Variants in TANGO6 observed in about 807,000 individuals in gnomAD.
TANGO6 encodes transport and golgi organization 6 homolog.
TANGO6 carries 90 observed loss-of-function variants against 114.2 expected under a neutral mutation model. The observed-to-expected ratio is 0.79, with a 90% CI of 0.66 to 0.94. The LOEUF (loss-of-function observed/expected upper bound fraction) is 0.94, where lower values mean the gene tolerates loss of function less well. Among genes scored for constraint, TANGO6 ranks in the 40% least tolerant of loss-of-function variants. The probability of loss-of-function intolerance (pLI) is 0.00; values close to 1 mark genes in which losing one functional copy is unlikely to be tolerated. For synonymous variants in TANGO6, 477 were observed against 509.8 expected (o/e 0.94, Z 0.87); for missense variants, 1,274 against 1,315.3 (o/e 0.97, Z 0.49).
chr16:68,975,718 C>T (rs555512128), intron 15 of TANGO6, among the ~76,000 whole-genome samples: 2 of 151,734 alleles, frequency 1.3e-5, no homozygotes, highest in Non-Finnish European at 2.9e-5. Context: ...CCACCATGCC[C>T]AGTTAATTTT....
intron 15 of TANGO6, among the ~76,000 whole-genome samples, chr16:69,004,087 AT>A (rs749714398): frequency 2.0e-5 from 3 of 152,140 alleles, no homozygotes; most frequent in Non-Finnish European, 2.9e-5. Flanking sequence ...ATTTTTAGTA[AT>A]CCTAAATTTT....
At chr16:69,046,261 G>A (rs1567565253) in intron 17 of TANGO6, among the ~76,000 whole-genome samples, 1 of 150,416 alleles carries the variant, frequency 6.6e-6, no homozygotes, top group Non-Finnish European at 1.5e-5. Flanking sequence ...TCCCCAGAGA[G>A]AAGAAAATCA....
intron 14 of TANGO6, among the ~76,000 whole-genome samples, chr16:68,945,953 A>G (rs932216807): frequency 1.3e-5 from 2 of 152,040 alleles, no homozygotes; most frequent in Non-Finnish European, 2.9e-5. Flanking sequence ...CCAAAATGCT[A>G]GGATTATAGG....
chr16:68,886,482 C>T (rs143933523), intron 7 of TANGO6, among the ~76,000 whole-genome samples: 1 of 151,826 alleles, frequency 6.6e-6, no homozygotes, highest in Non-Finnish European at 1.5e-5. Context: ...CCAGAGAAAT[C>T]CTCCTCACCG....
chr16:69,027,470 G>C (rs1174517278), intron 16 of TANGO6, among the ~76,000 whole-genome samples: 1 of 151,514 alleles, frequency 6.6e-6, no homozygotes, highest in African/African-American at 2.4e-5. Flanking sequence ...ATAACTTTAA[G>C]TACCTACTTA....
Position 68,928,090 on chromosome 16 carries a change from A to G in TANGO6, c.2643+7A>G. ...GCAAGAGAAGCTTCTCAAGGTGAGT[A>G]GAACACACTGTAAAGACACATGGGC... On this transcript the variant is annotated splice_region_variant and intron_variant, in intron 13 of 17. Coordinates refer to ENST00000261778, the MANE Select transcript of TANGO6 (RefSeq NM_024562.2). 6.4e-7 allele frequency: 1 copy of G among 1,565,392 alleles called. No homozygotes were observed. Among genetic ancestry groups the G allele is most frequent in the Non-Finnish European group, 8.7e-7 (1 of 1,155,006 alleles).
intron 14 of TANGO6, among the ~76,000 whole-genome samples, chr16:68,972,575 T>A (rs1193207461): frequency 1.3e-5 from 2 of 152,192 alleles, no homozygotes; most frequent in Non-Finnish European, 2.9e-5. Flanking sequence ...CATCCATTCA[T>A]CCATTCATTC....
At chr16:68,972,178 A>T (rs1280450373) in intron 14 of TANGO6, among the ~76,000 whole-genome samples, 2 of 151,922 alleles carry the variant, frequency 1.3e-5, no homozygotes, top group Non-Finnish European at 2.9e-5. Context: ...GACCACATGC[A>T]GAGGTGCAGG....
intron 13 of TANGO6, among the ~76,000 whole-genome samples, chr16:68,929,970 A>G (rs539033846): frequency 6.6e-6 from 1 of 152,320 alleles, no homozygotes; most frequent in East Asian, 1.9e-4. Flanking sequence ...CTGTCATGGA[A>G]AAATGTTGAG....
chr16:68,926,505 G>GA (rs1036379003), intron 12 of TANGO6, among the ~76,000 whole-genome samples: 22 of 151,008 alleles, frequency 1.5e-4, no homozygotes, highest in Admixed American at 1.3e-4. Context: ...AAAAAGAAAA[G>GA]AAAAAAATAA....
intron 4 of TANGO6, 121 bp from the exon 5 acceptor site, chr16:68,875,029 AAAAT>A: frequency 9.7e-7 from 1 of 1,031,918 alleles, no homozygotes; most frequent in Non-Finnish European, 1.3e-6. Context: ...CTTATAGAAA[AAAAT>A]AAACTATTTT....
At chr16:68,979,003 C>T (rs949886163) in intron 15 of TANGO6, among the ~76,000 whole-genome samples, 4 of 149,586 alleles carry the variant, frequency 2.7e-5, no homozygotes, top group African/African-American at 9.9e-5. Context: ...TGGCTTACTG[C>T]ATCCTTGGCC....
chr16:69,003,661 A>C (rs1964065104), intron 15 of TANGO6, among the ~76,000 whole-genome samples: 1 of 152,168 alleles, frequency 6.6e-6, no homozygotes. Context: ...CTTTCATTGT[A>C]GTTTATTTAA....
intron 17 of TANGO6, among the ~76,000 whole-genome samples, chr16:69,056,997 CTTTTTTTTTTTT>C (rs71148961): frequency 3.3e-5 from 2 of 59,822 alleles, no homozygotes; most frequent in Admixed American, 2.4e-4. Context: ...GCCTGATTTT[CTTTTTTTTTTTT>C]TTTTTTTTTT....
chr16:69,049,522 C>A (rs1959915084), intron 17 of TANGO6, among the ~76,000 whole-genome samples: 1 of 151,998 alleles, frequency 6.6e-6, no homozygotes, highest in Non-Finnish European at 1.5e-5. Context: ...ACCTCTGCCT[C>A]CCAGGTTCAA....
chr16:69,042,459 A>T (rs1959788968), intron 17 of TANGO6, among the ~76,000 whole-genome samples: 1 of 152,186 alleles, frequency 6.6e-6, no homozygotes, highest in African/African-American at 2.4e-5. Context: ...AAGCAGGAGA[A>T]TCACTTGAAC....
chr16:68,866,754 T>C (rs1369909451), intron 3 of TANGO6, among the ~76,000 whole-genome samples: 1 of 151,478 alleles, frequency 6.6e-6, no homozygotes, highest in Non-Finnish European at 1.5e-5. Flanking sequence ...CTGGCTAACA[T>C]GGTGAAACCC....
intron 15 of TANGO6, among the ~76,000 whole-genome samples, chr16:69,009,468 G>A (rs1291494648): frequency 6.6e-6 from 1 of 152,152 alleles, no homozygotes; most frequent in Non-Finnish European, 1.5e-5. Context: ...TTGTAGATTT[G>A]TAGTAAGTTT....
intron 14 of TANGO6, among the ~76,000 whole-genome samples, chr16:68,941,391 A>T (rs1963350993): frequency 6.6e-6 from 1 of 152,130 alleles, no homozygotes; most frequent in South Asian, 2.1e-4. Context: ...TAGTTTTATG[A>T]ATCTATTAGG....
Sources: gnomAD v4.1 joint callset for allele counts (sites outside exome capture counted in the v4.1 genomes callset) on GRCh38, gnomAD v4.1.1 for gene constraint, MANE v1.5 for transcripts, NCBI Gene and HGNC (gene_info 2026-07-23, HGNC 2026-07-21) for gene names.